CBLB: variants seen among roughly 807,000 people sequenced by gnomAD.
The protein encoded by CBLB is E3 ubiquitin-protein ligase CBL-B.
Under a neutral mutation model 104.9 loss-of-function variants are expected in CBLB, and 31 were observed. The observed-to-expected ratio is 0.30, with a 90% CI of 0.22 to 0.40. The LOEUF (loss-of-function observed/expected upper bound fraction) is 0.40, where lower values mean the gene tolerates loss of function less well. Ranked by LOEUF, CBLB falls within the 10% of genes least tolerant of loss-of-function variation. The pLI, the probability that CBLB is intolerant of heterozygous loss-of-function variation, is 1.00. For synonymous variants in CBLB, 440 were observed against 422.6 expected (o/e 1.04, Z -0.51); for missense variants, 1,062 against 1,214.6 (o/e 0.87, Z 1.87).
intron 3 of CBLB, among the ~76,000 whole-genome samples, chr3:105,852,636 C>G (rs1016269415): frequency 1.3e-5 from 2 of 152,104 alleles, no homozygotes; most frequent in African/African-American, 4.8e-5. Flanking sequence ...CAGTAACAGT[C>G]CTAGGCCTTC....
intron 4 of CBLB, among the ~76,000 whole-genome samples, chr3:105,760,593 T>G (rs2077522018): frequency 6.6e-6 from 1 of 151,802 alleles, no homozygotes; most frequent in South Asian, 2.1e-4. Flanking sequence ...GATCCTCCCT[T>G]TAGCAATGAG....
chr3:105,685,793 A>T (rs2066929496), intron 13 of CBLB, among the ~76,000 whole-genome samples: 1 of 152,184 alleles, frequency 6.6e-6, no homozygotes, highest in Non-Finnish European at 1.5e-5. Flanking sequence ...AAATCTATTA[A>T]AATATTAATA....
At chr3:105,769,861 T>G (rs2078653573) in intron 4 of CBLB, among the ~76,000 whole-genome samples, 1 of 152,202 alleles carries the variant, frequency 6.6e-6, no homozygotes, top group Non-Finnish European at 1.5e-5. Flanking sequence ...GACAGCTCAC[T>G]GGTCCCCTAA....
At chr3:105,768,827 A>G (rs1051122990) in intron 4 of CBLB, among the ~76,000 whole-genome samples, 2 of 152,244 alleles carry the variant, frequency 1.3e-5, no homozygotes, top group African/African-American at 4.8e-5. Context: ...AAGTGGACTT[A>G]TGAACTGAAC....
At chr3:105,804,285 C>CT (rs1287878148) in intron 3 of CBLB, among the ~76,000 whole-genome samples, 1 of 150,920 alleles carries the variant, frequency 6.6e-6, no homozygotes, top group Middle Eastern at 3.2e-3. Context: ...CTTTGGGAGG[C>CT]TGAGGCGGGT....
chr3:105,730,028 T>C (rs1163815004), intron 9 of CBLB, among the ~76,000 whole-genome samples: 1 of 151,996 alleles, frequency 6.6e-6, no homozygotes, highest in African/African-American at 2.4e-5. Flanking sequence ...ACCAGTAAGA[T>C]CCCACTGAGA....
chr3:105,703,578 G>A (rs751821566), intron 11 of CBLB, among the ~76,000 whole-genome samples: 2 of 148,866 alleles, frequency 1.3e-5, no homozygotes, highest in Admixed American at 1.4e-4. Context: ...AAACAAGGGT[G>A]ATAATTTGTC....
At position 105,853,654 on chromosome 3, in the gene CBLB, C is replaced by G. The variant is rs775121383; in HGVS notation, c.179G>C (p.Cys60Ser). ...TTTCAACTGAAGTTTGGGATTTTGGCACAGTCTTACCTAAAAACAAAGATA... is the reference window on the plus strand; with the variant it reads ...TTTCAACTGAAGTTTGGGATTTTGGGACAGTCTTACCTAAAAACAAAGATA... ...WKLMDKVVRL[C>S]QNPKLQLKNS... is the part of the protein sequence containing the mutation. The change falls in exon 3 of 19, where the codon TGC (cysteine) becomes TCC (serine). Residue 60 changes from cysteine to serine, a missense_variant. By Grantham distance (112) the Cys-to-Ser change is moderately radical. Transcript: ENST00000394030. The G allele has an allele frequency of 6.2e-7, 1 of 1,600,572 alleles. No individual in the cohort carries two copies. The highest frequency in any genetic ancestry group is 8.5e-7 in the Non-Finnish European group (1 of 1,170,684).
intron 1 of CBLB, chr3:105,868,283 G>A: frequency 4.2e-6 from 5 of 1,178,780 alleles, no homozygotes; most frequent in African/African-American, 1.6e-5. Flanking sequence ...CCACGGAAAG[G>A]AGGAGTTCAC....
intron 18 of CBLB, among the ~76,000 whole-genome samples, chr3:105,669,341 C>T (rs1179593594): frequency 1.3e-5 from 2 of 152,138 alleles, no homozygotes; most frequent in South Asian, 2.1e-4. Context: ...CACTCCCTTG[C>T]CCTTGTGAGG....
intron 8 of CBLB, 61 bp downstream of exon 8, chr3:105,737,110 A>G (rs975076654): frequency 1.6e-5 from 13 of 802,864 alleles, no homozygotes; most frequent in Middle Eastern, 4.6e-4. Flanking sequence ...AGAGAGTCTT[A>G]TTTATTTCAA....
intron 3 of CBLB, among the ~76,000 whole-genome samples, chr3:105,811,756 C>T (rs1436491560): frequency 6.6e-6 from 1 of 152,010 alleles, no homozygotes; most frequent in African/African-American, 2.4e-5. Flanking sequence ...GTTCTCCGGG[C>T]TGGAGTGCAA....
chr3:105,791,451 T>C (rs2081632235), intron 3 of CBLB, among the ~76,000 whole-genome samples: 1 of 152,212 alleles, frequency 6.6e-6, no homozygotes, highest in Non-Finnish European at 1.5e-5. Flanking sequence ...TTATTCATGA[T>C]CTAAAATAGA....
At chr3:105,789,578 G>A (rs1281553040) in intron 3 of CBLB, among the ~76,000 whole-genome samples, 7 of 152,096 alleles carry the variant, frequency 4.6e-5, no homozygotes, top group Admixed American at 4.6e-4. Context: ...CTAATCCACT[G>A]ATTTCTACTG....
chr3:105,854,502 TA>T (rs2091347705), intron 2 of CBLB, among the ~76,000 whole-genome samples: 1 of 152,052 alleles, frequency 6.6e-6, no homozygotes, highest in Admixed American at 6.6e-5. Context: ...AGTAGCATTA[TA>T]TAGTGTAATG....
At chr3:105,842,415 T>C (rs1308073703) in intron 3 of CBLB, among the ~76,000 whole-genome samples, 1 of 152,202 alleles carries the variant, frequency 6.6e-6, no homozygotes, top group African/African-American at 2.4e-5. Context: ...ATGAAGAGTG[T>C]CTGTTTATCT....
At chr3:105,816,803 C>T (rs777268376) in intron 3 of CBLB, among the ~76,000 whole-genome samples, 5 of 151,994 alleles carry the variant, frequency 3.3e-5, no homozygotes, top group African/African-American at 1.2e-4. Flanking sequence ...AGCACTGCTG[C>T]GGTGGATACC....
intron 3 of CBLB, among the ~76,000 whole-genome samples, chr3:105,809,783 A>C (rs1191038387): frequency 6.6e-6 from 1 of 152,172 alleles, no homozygotes; most frequent in Admixed American, 6.5e-5. Context: ...AGATGGGGGA[A>C]AGGTCATGTA....
chr3:105,668,429 T>C (rs1374936787), intron 18 of CBLB, among the ~76,000 whole-genome samples: 1 of 152,198 alleles, frequency 6.6e-6, no homozygotes, highest in Non-Finnish European at 1.5e-5. Flanking sequence ...AAAGTATAGG[T>C]TTCTTTTAAT....
Sources: allele counts gnomAD v4.1 joint callset (sites outside exome capture counted in the v4.1 genomes callset), GRCh38; gene constraint gnomAD v4.1.1; transcripts MANE v1.5; gene names NCBI Gene and HGNC (gene_info 2026-07-23, HGNC 2026-07-21).